Variants in MTMR10 observed in about 807,000 individuals in gnomAD.
The protein encoded by MTMR10 is myotubularin related protein 10, also known as myotubularin-related protein 10.
Under a neutral mutation model 88.1 loss-of-function variants are expected in MTMR10, and 56 were observed. The observed-to-expected ratio is 0.64, with a 90% confidence interval of 0.51 to 0.79. MTMR10 has a LOEUF of 0.79. Among genes scored for constraint, MTMR10 ranks in the 30% least tolerant of loss-of-function variants. MTMR10 has a pLI of 0.00. For missense variants in MTMR10, 883 were observed against 924.7 expected, an observed-to-expected ratio of 0.95 and a Z score of 0.58; for synonymous variants, 380 against 340.9, an observed-to-expected ratio of 1.11 and a Z score of -1.26.
the MTMR10 span, chr15:30,928,246 T>C: frequency 9.0e-7 from 1 of 1,115,584 alleles, no homozygotes; most frequent in African/African-American, 1.7e-5. Flanking sequence ...TATTTTTCTT[T>C]TAAACATGTT....
Position 30,939,122 on chromosome 15 carries a change from A to G in MTMR10, c.*2348T>C, listed in dbSNP as rs2062952611. The G allele has an allele frequency of 3.0e-6, 3 of 985,376 alleles. No homozygotes were observed. The highest frequency in any genetic ancestry group is 1.7e-5 in the African/African-American group (1 of 57,258). 61.0% of individuals were successfully genotyped at this position (985,376 alleles called of 1,614,324 possible). A position where few individuals can be genotyped will look rare whatever the true frequency, so the allele number is the denominator to read the frequency against. Reference sequence around the variant, plus strand: ...ACCACTTGAGGTTACTACTGCAGCAAGCAGATTTTGTTGACAAATGTGAAC... The same window carrying G: ...ACCACTTGAGGTTACTACTGCAGCAGGCAGATTTTGTTGACAAATGTGAAC... On this transcript the variant is annotated 3_prime_UTR_variant, in exon 16 of 16. Coordinates refer to ENST00000435680, the MANE Select transcript of MTMR10 (RefSeq NM_017762.3).
At chr15:30,968,981 G>T (rs1198255981) in intron 5 of MTMR10, among the ~76,000 whole-genome samples, 2 of 152,106 alleles carry the variant, frequency 1.3e-5, no homozygotes, top group African/African-American at 4.8e-5. Context: ...GGAAAACATA[G>T]CAGAAAAACT....
chr15:30,982,525 C>T (rs909542094), intron 2 of MTMR10, among the ~76,000 whole-genome samples: 1 of 152,052 alleles, frequency 6.6e-6, no homozygotes, highest in Non-Finnish European at 1.5e-5. Context: ...GAAAGAAGGA[C>T]TCTCTGGGCC....
At position 30,941,049 on chromosome 15, in the gene MTMR10, C is replaced by A; in HGVS notation, c.*421G>T. 8.5e-7 allele frequency: 1 copy of A among 1,177,966 alleles called. No homozygotes were observed. The highest frequency in any genetic ancestry group is 1.1e-6 in the Non-Finnish European group (1 of 938,294). 73.0% of individuals were successfully genotyped at this position (1,177,966 alleles called of 1,614,324 possible). A position where few individuals can be genotyped will look rare whatever the true frequency, so the allele number is the denominator to read the frequency against. On this transcript the variant is annotated 3_prime_UTR_variant, in exon 16 of 16. Transcript: ENST00000435680. ...AAGTAACCAGAAAAATACATGAATA[C>A]TTCCTAAAACCTGCTGGAGGTTTTA...
chr15:30,937,951 C>T (rs192915802), downstream of MTMR10, among the ~76,000 whole-genome samples: 1,248 of 150,884 alleles, frequency 8.3e-3, 13 homozygotes, highest in Non-Finnish European at 0.013. Flanking sequence ...GGAGGCTGAG[C>T]GAGGCAGGCG....
In MTMR10 at chr15:30,955,967, C is replaced by T. The variant is rs1595920350; in HGVS notation, c.936-1074G>A. On this transcript the variant is annotated intron_variant, in intron 9 of 15. Coordinates refer to ENST00000435680, the MANE Select transcript of MTMR10 (RefSeq NM_017762.3). The stretch of plus-strand genomic sequence containing the variant: ...CTATATTCAATGGGTAACTTCCACA[C>T]CACTTTAAAAAAACAAAACAAAACC... Among the ~76,000 whole-genome samples, 4 of 146,924 alleles carry T rather than the reference C, an allele frequency of 2.7e-5. No homozygotes were observed. In the South Asian group the frequency reaches 6.5e-4, roughly 24 times the overall value.
chr15:30,945,068 CAA>C, intron 14 of MTMR10, among the ~76,000 whole-genome samples: 1 of 151,512 alleles, frequency 6.6e-6, no homozygotes, highest in East Asian at 1.9e-4. Flanking sequence ...ATATTTATCC[CAA>C]GAGAGACCAG....
the MTMR10 span, among the ~76,000 whole-genome samples, chr15:30,931,697 T>TCC: frequency 6.6e-6 from 1 of 152,174 alleles, no homozygotes; most frequent in African/African-American, 2.4e-5. Flanking sequence ...TCCACTGAAT[T>TCC]CCCTCTGTAT....
At chr15:30,925,097 A>G in the MTMR10 span, 16 of 1,581,788 alleles carry the variant, frequency 1.0e-5, no homozygotes, top group South Asian at 1.8e-4. Flanking sequence ...TTTTTTTAGG[A>G]GCCTGATGTG....
At chr15:30,929,598 T>A in the MTMR10 span, among the ~76,000 whole-genome samples, 107 of 125,550 alleles carry the variant, frequency 8.5e-4, no homozygotes, top group African/African-American at 3.2e-3. Context: ...ATATTATATA[T>A]TACATATTAC....
At position 30,961,361 on chromosome 15, in the gene MTMR10, G is replaced by A. The variant is rs2063399806; in HGVS notation, c.566-288C>T. On this transcript the variant is annotated intron_variant, in intron 6 of 15. Transcript: ENST00000435680. The stretch of plus-strand genomic sequence containing the variant: ...CTATTCTCCTGCCTCAGCCTCTTGA[G>A]TAGCTGGGATTACAGGCACCTGCCA... Among the ~76,000 whole-genome samples, 3 of 151,978 alleles carry A rather than the reference G, an allele frequency of 2.0e-5. No individual in the cohort carries two copies. The South Asian group carries it at 6.2e-4, about 32-fold the overall frequency.
At chr15:30,958,193 T>C (rs925146633) in intron 9 of MTMR10, among the ~76,000 whole-genome samples, 2 of 152,238 alleles carry the variant, frequency 1.3e-5, no homozygotes, top group Non-Finnish European at 2.9e-5. Flanking sequence ...GGGAAACTTC[T>C]TTAGGAAAAG....
intron 11 of MTMR10, among the ~76,000 whole-genome samples, chr15:30,953,206 T>C (rs1251490327): frequency 1.3e-5 from 2 of 152,196 alleles, no homozygotes; most frequent in Non-Finnish European, 2.9e-5. Flanking sequence ...CAGACACAGA[T>C]GGCGATGAGG....
chr15:30,990,877 C>T (rs2141082148), intron 1 of MTMR10, 40 bp from the exon 2 acceptor site: 2 of 1,515,384 alleles, frequency 1.3e-6, no homozygotes, highest in South Asian at 1.2e-5. Flanking sequence ...TCTCAATCCC[C>T]CCACCCTCCG....
At chr15:30,988,984 T>C (rs1245092444) in intron 2 of MTMR10, among the ~76,000 whole-genome samples, 4 of 112,150 alleles carry the variant, frequency 3.6e-5, no homozygotes, top group South Asian at 2.6e-4. Context: ...TGAGACTCTG[T>C]CTCAAAAAAA....
intron 10 of MTMR10, among the ~76,000 whole-genome samples, 193 bp downstream of exon 10, chr15:30,954,570 C>CA (rs555279801): frequency 6.6e-6 from 1 of 152,250 alleles, no homozygotes; most frequent in South Asian, 2.1e-4. Flanking sequence ...CCCTCTAAAA[C>CA]AAAAAGTAGT....
At chr15:30,954,996 A>G in intron 9 of MTMR10, 103 bp from the exon 10 acceptor site, 1 of 997,372 alleles carries the variant, frequency 1.0e-6, no homozygotes, top group East Asian at 3.1e-5. Context: ...TGAGACAGGT[A>G]AGGTCTCTGC....
chr15:30,933,378 C>T, the MTMR10 span, among the ~76,000 whole-genome samples: 1 of 152,170 alleles, frequency 6.6e-6, no homozygotes, highest in African/African-American at 2.4e-5. Context: ...CTTCTTTGAT[C>T]CTTGGCTTAT....
At chr15:30,929,335 C>T in the MTMR10 span, 1 of 1,611,696 alleles carries the variant, frequency 6.2e-7, no homozygotes, top group Non-Finnish European at 8.5e-7. Flanking sequence ...GTGGCATGAG[C>T]AGGAAGGCAG....
Sources: gnomAD v4.1 joint callset for allele counts (sites outside exome capture counted in the v4.1 genomes callset) on GRCh38, gnomAD v4.1.1 for gene constraint, MANE v1.5 for transcripts, NCBI Gene and HGNC (gene_info 2026-07-23, HGNC 2026-07-21) for gene names.